Variants in NAA60 observed in about 807,000 individuals in gnomAD.
NAA60 encodes N-alpha-acetyltransferase 60, NatF catalytic subunit, also known as N-alpha-acetyltransferase 60.
NAA60 carries 8 observed loss-of-function variants against 26.1 expected under a neutral mutation model. The observed-to-expected ratio is 0.31, with a 90% CI of 0.18 to 0.55. The LOEUF is 0.55. Ranked by LOEUF, NAA60 falls within the 20% of genes least tolerant of loss-of-function variation. The pLI is 0.93. For missense variants in NAA60, 290 were observed against 311.3 expected (o/e 0.93, Z 0.51); for synonymous variants, 131 against 122.5 (o/e 1.07, Z -0.46).
intron 2 of NAA60, among the ~76,000 whole-genome samples, chr16:3,449,747 C>A (rs377181008): frequency 1.2e-4 from 18 of 152,152 alleles, no homozygotes; most frequent in African/African-American, 4.3e-4. Context: ...ATGGGAGGGA[C>A]CCAGTAGGAG....
At chr16:3,457,874 A>G (rs1419612287) in intron 2 of NAA60, 36 of 698,688 alleles carry the variant, frequency 5.2e-5, no homozygotes, top group Non-Finnish European at 5.8e-5. Context: ...TGCCCCGCAT[A>G]CGGGATCCTG....
chr16:3,448,598 C>T, intron 2 of NAA60, 58 bp downstream of exon 2: 1 of 1,418,672 alleles, frequency 7.0e-7, no homozygotes, highest in Non-Finnish European at 9.5e-7. Flanking sequence ...CAGAGGAAGC[C>T]TACTTAAGTG....
At chr16:3,483,626 T>A in intron 6 of NAA60, 29 bp downstream of exon 6, 1 of 1,537,866 alleles carries the variant, frequency 6.5e-7, no homozygotes, top group Non-Finnish European at 8.9e-7. Flanking sequence ...GGAGAGGGAC[T>A]GTGGCTTCCT....
At chr16:3,484,493 G>C (rs2037049344) in intron 6 of NAA60, 2 of 641,800 alleles carry the variant, frequency 3.1e-6, no homozygotes, top group Middle Eastern at 4.2e-4. Context: ...TCTGTCCCCA[G>C]ACCCCACCCT....
chr16:3,465,209 G>C (rs1237167551), intron 2 of NAA60, among the ~76,000 whole-genome samples: 1 of 151,156 alleles, frequency 6.6e-6, no homozygotes, highest in African/African-American at 2.4e-5. Flanking sequence ...GGAGCTTGCA[G>C]TGAGCCGAAA....
chr16:3,451,114 G>A (rs1357079803), intron 2 of NAA60, among the ~76,000 whole-genome samples: 1 of 152,146 alleles, frequency 6.6e-6, no homozygotes, highest in Non-Finnish European at 1.5e-5. Context: ...AGATTGTCTT[G>A]TAATCACGTA....
intron 2 of NAA60, among the ~76,000 whole-genome samples, chr16:3,455,891 G>A (rs2034970438): frequency 6.6e-6 from 1 of 151,830 alleles, no homozygotes; most frequent in African/African-American, 2.4e-5. Context: ...ATTTTTAGTA[G>A]CGACGGGGTT....
intron 2 of NAA60, among the ~76,000 whole-genome samples, chr16:3,467,016 G>A (rs985464875): frequency 3.0e-4 from 46 of 152,214 alleles, no homozygotes; most frequent in African/African-American, 1.1e-3. Context: ...CAAGATGGGT[G>A]CCTGCAGGGT....
At chr16:3,446,621 T>G (rs1189157409) in intron 1 of NAA60, among the ~76,000 whole-genome samples, 1 of 148,986 alleles carries the variant, frequency 6.7e-6, no homozygotes, top group South Asian at 2.1e-4. Context: ...TATTATTTGT[T>G]TTTTTTTTTT....
chr16:3,467,156 A>G (rs1297697839), intron 2 of NAA60, among the ~76,000 whole-genome samples: 1 of 152,162 alleles, frequency 6.6e-6, no homozygotes, highest in African/African-American at 2.4e-5. Flanking sequence ...GCAGCGTCTC[A>G]TGCAGCCTTC....
In NAA60 at chr16:3,485,671, GA is replaced by G. The variant is rs1272638495; in HGVS notation, c.*413del. The G allele has an allele frequency of 2.2e-6, 1 of 456,680 alleles. No homozygotes were observed. Among genetic ancestry groups the G allele is most frequent in the Admixed American group, 2.3e-5 (1 of 42,576 alleles). The allele number at this position is 456,680 out of a possible 1,614,324, so 28.3% of individuals were successfully genotyped here. ...GAGGGGACTTTCTCCTGCAAGGGAG[GA>G]ACGCAAGTATTATGGACACACTTGA... On this transcript the variant is annotated 3_prime_UTR_variant, in exon 8 of 8. Transcript: ENST00000407558.
At chr16:3,448,699 T>C in intron 2 of NAA60, 159 bp downstream of exon 2, 1 of 605,136 alleles carries the variant, frequency 1.7e-6, no homozygotes. Flanking sequence ...ATGCTTTCAC[T>C]TTTTTGCTAG....
At chr16:3,476,914 G>T (rs1473090760) in intron 3 of NAA60, among the ~76,000 whole-genome samples, 1 of 152,136 alleles carries the variant, frequency 6.6e-6, no homozygotes, top group Non-Finnish European at 1.5e-5. Context: ...GGTGGTGCGT[G>T]CCTGTAATCC....
intron 1 of NAA60, chr16:3,447,732 G>T: frequency 1.5e-6 from 1 of 646,356 alleles, no homozygotes; most frequent in Non-Finnish European, 1.9e-6. Context: ...AGTCTTATAA[G>T]GGGACAATGG....
intron 6 of NAA60, 169 bp downstream of exon 6, chr16:3,483,766 T>C (rs1206752823): frequency 1.1e-5 from 7 of 622,014 alleles, no homozygotes; most frequent in Non-Finnish European, 2.0e-5. Context: ...GACACACATT[T>C]GGGTAAATCG....
At chr16:3,444,037 C>G (rs2034448910) in intron 1 of NAA60, 200 bp downstream of exon 1, 1 of 1,068,858 alleles carries the variant, frequency 9.4e-7, no homozygotes, top group Non-Finnish European at 1.2e-6. Context: ...GGTTGCTGGA[C>G]TCTGACTCAA....
chr16:3,444,010 C>A, intron 1 of NAA60, 173 bp downstream of exon 1: 1 of 1,285,238 alleles, frequency 7.8e-7, no homozygotes, highest in Non-Finnish European at 1.0e-6. Flanking sequence ...TCACAACGTT[C>A]ACATCGGTGT....
In NAA60 at chr16:3,469,085, C is replaced by CAAA. The variant is rs57070540; in HGVS notation, c.-6-7122_-6-7120dup. The stretch of plus-strand genomic sequence containing the variant: ...TGGGCAACAGAGCCAGACAACATCT[C>CAAA]AAAAAAAAAAAAAAAAATTCAAGAG... On this transcript the variant is annotated intron_variant, in intron 2 of 7. Coordinates refer to ENST00000407558, the MANE Select transcript of NAA60 (RefSeq NM_001083601.3). Among the ~76,000 whole-genome samples, 74 of 129,120 alleles carry CAAA rather than the reference C, an allele frequency of 5.7e-4. 1 individual carries two copies. Among genetic ancestry groups the CAAA allele is most frequent in the East Asian group, 1.6e-3 (7 of 4,480 alleles). 84.7% of individuals were successfully genotyped at this position (129,120 alleles called of 152,430 possible).
intron 6 of NAA60, 83 bp from the exon 7 acceptor site, chr16:3,484,616 C>G: frequency 1.3e-6 from 2 of 1,508,660 alleles, no homozygotes; most frequent in African/African-American, 1.4e-5. Flanking sequence ...CACAGTCCCA[C>G]AGGCCACTGC....
Sources: gnomAD v4.1 joint callset for allele counts (sites outside exome capture counted in the v4.1 genomes callset) on GRCh38, gnomAD v4.1.1 for gene constraint, MANE v1.5 for transcripts, NCBI Gene and HGNC (gene_info 2026-07-23, HGNC 2026-07-21) for gene names.